The following PUM3 variants were observed in gnomAD, a reference collection of about 807,000 sequenced individuals.
PUM3 encodes the protein pumilio homolog 3.
In PUM3, 91 loss-of-function variants were observed where a neutral mutation model predicts 84.0. The ratio of observed to expected loss-of-function variants is 1.08; its 90% CI spans 0.91 to 1.29. The LOEUF (loss-of-function observed/expected upper bound fraction) is 1.29, where lower values mean the gene tolerates loss of function less well. Among genes scored for constraint, PUM3 ranks in the 50% most tolerant of loss-of-function variants. The pLI, the probability that PUM3 is intolerant of heterozygous loss-of-function variation, is 0.00. For missense variants in PUM3, 1,067 were observed against 767.5 expected (o/e 1.39, Z -4.61); for synonymous variants, 321 against 266.7 (o/e 1.20, Z -1.98).
At chr9:2,811,248 T>G (rs1821362531) in intron 15 of PUM3, 113 bp downstream of exon 15, 1 of 786,848 alleles carries the variant, frequency 1.3e-6, no homozygotes, top group Non-Finnish European at 2.1e-6. Flanking sequence ...TCTTGGTTGT[T>G]TATTCAACAG....
rs757550173 is a variant in PUM3 at position 2,824,730 on chromosome 9, T to C, written c.1121A>G (p.His374Arg). 3 of 1,553,728 alleles carry C rather than the reference T, an allele frequency of 1.9e-6. No individual in the cohort carries two copies. The highest frequency in any genetic ancestry group is 2.3e-5 in the East Asian group (1 of 43,144). Residue 374 changes from histidine (H) to arginine (R), a missense_variant, in exon 11 of 18, where the codon CAT (histidine) becomes CGT (arginine). His to Arg is a conservative substitution (Grantham distance 29). Coordinates refer to ENST00000397885, the MANE Select transcript of PUM3 (RefSeq NM_014878.5). The stretch of plus-strand genomic sequence containing the variant: ...TGTCACACTTACCTTGGGCGTGCCA[T>C]GCCACAGGCAGTGCATGGCCACTCT... Reference protein sequence around the residue: ...GARVAMHCLWHGTPKDRKVIV... With the variant: ...GARVAMHCLWRGTPKDRKVIV...
chr9:2,814,949 C>G (rs965035397), intron 13 of PUM3, among the ~76,000 whole-genome samples: 1 of 152,144 alleles, frequency 6.6e-6, no homozygotes, highest in Admixed American at 6.5e-5. Flanking sequence ...TGAGCTTTCT[C>G]CACAGCTTCC....
intron 17 of PUM3, among the ~76,000 whole-genome samples, chr9:2,805,063 A>G (rs1175294912): frequency 2.6e-5 from 4 of 152,186 alleles, no homozygotes; most frequent in Admixed American, 2.6e-4. Flanking sequence ...TGTACAACCA[A>G]GAGCATGCTA....
chr9:2,809,763 G>C (rs926158032), intron 16 of PUM3, among the ~76,000 whole-genome samples: 1 of 152,184 alleles, frequency 6.6e-6, no homozygotes, highest in Non-Finnish European at 1.5e-5. Flanking sequence ...TGCTAATGCT[G>C]TCCTTCTCTA....
chr9:2,820,232 T>C (rs950054936), intron 12 of PUM3, 134 bp from the exon 13 acceptor site: 4 of 519,054 alleles, frequency 7.7e-6, no homozygotes, highest in Admixed American at 3.2e-5. Context: ...ATTACCTACA[T>C]TGACAACTTG....
In PUM3 at chr9:2,811,429, G is replaced by A. The variant is rs1821368765; in HGVS notation, c.1567C>T (p.Gln523Ter). The A allele has an allele frequency of 1.9e-6, 3 of 1,614,174 alleles. No individual in the cohort carries two copies. Among genetic ancestry groups the A allele is most frequent in the Non-Finnish European group, 2.5e-6 (3 of 1,180,038 alleles). ...CTGGCGATGGCATTCATGGTAGGCT[G>A]AACGTCTCCAGTGGCAGATCCCAGA... The part of the protein sequence containing the change: ...DILGSATGDV[Q>*]PTMNAIASLA... The change falls in exon 15 of 18, where the codon CAG (glutamine) becomes TAG (stop). Residue 523 changes from glutamine (Q) to a stop codon, truncating the protein, a stop_gained. Coordinates refer to ENST00000397885, the MANE Select transcript of PUM3 (RefSeq NM_014878.5). LOFTEE classifies it high-confidence loss of function.
At chr9:2,807,038 C>G (rs571369595) in intron 17 of PUM3, among the ~76,000 whole-genome samples, 1 of 151,850 alleles carries the variant, frequency 6.6e-6, no homozygotes, top group Admixed American at 6.6e-5. Flanking sequence ...GAAACCAGGT[C>G]TCTACTAAAA....
chr9:2,829,902 C>T lies in PUM3; in HGVS notation c.724G>A (p.Val242Met), dbSNP rs558845198. 42 of 1,613,902 alleles carry T rather than the reference C, an allele frequency of 2.6e-5. No individual in the cohort carries two copies. The highest frequency in any genetic ancestry group is 8.3e-5 in the Admixed American group (5 of 60,020). Residue 242 changes from valine (V) to methionine (M), a missense_variant, in exon 8 of 18, where the codon GTG becomes ATG. Val to Met is a conservative substitution (Grantham distance 21, BLOSUM62 1). Transcript: ENST00000397885. Reference protein sequence around the residue: ...AEIIRSFKGHVRKMLRHAEAS... With the variant: ...AEIIRSFKGHMRKMLRHAEAS... Reference sequence around the variant, plus strand: ...TCCGCATGCCGCAGCATCTTCCTCACGTGGCCTTTAAAACTTCTGATTATC... The same window carrying T: ...TCCGCATGCCGCAGCATCTTCCTCATGTGGCCTTTAAAACTTCTGATTATC...
At chr9:2,824,041 G>A (rs1273687363) in intron 11 of PUM3, among the ~76,000 whole-genome samples, 1 of 151,856 alleles carries the variant, frequency 6.6e-6, no homozygotes, top group Non-Finnish European at 1.5e-5. Context: ...AGATGTGTAT[G>A]TGATAGGGTT....
Position 2,820,117 on chromosome 9 carries a change from A to G in PUM3, c.1189-19T>C. The G allele has an allele frequency of 6.4e-7, 1 of 1,563,364 alleles. No individual in the cohort carries two copies. Among genetic ancestry groups the G allele is most frequent in the Non-Finnish European group, 8.8e-7 (1 of 1,134,836 alleles). On this transcript the variant is annotated intron_variant, in intron 12 of 17. Transcript: ENST00000397885. ...ATTGGCCCTGCAAGAATTGGAAGCC[A>G]GCAAAGGTTAAAAACAAGTGCATAG...
rs370800427 is a variant in PUM3 at position 2,821,306 on chromosome 9, T to C, written c.1189-1208A>G. Reference sequence around the variant, plus strand: ...ACTAATACAAAACATTAGCTGGGCATGGTGGTGGGCGCCTGTAGTCCCAGC... The same window carrying C: ...ACTAATACAAAACATTAGCTGGGCACGGTGGTGGGCGCCTGTAGTCCCAGC... On this transcript the variant is annotated intron_variant, in intron 12 of 17. Transcript: ENST00000397885. 1.2e-4 allele frequency among the ~76,000 whole-genome samples: 18 copies of C among 151,582 alleles called. 1 individual carries two copies. The highest frequency in any genetic ancestry group is 4.4e-4 in the African/African-American group (18 of 41,180).
At chr9:2,810,003 C>G (rs1311114267) in intron 16 of PUM3, among the ~76,000 whole-genome samples, 1 of 151,638 alleles carries the variant, frequency 6.6e-6, no homozygotes, top group African/African-American at 2.4e-5. Flanking sequence ...CCCCTACCCC[C>G]TCTCACCATC....
intron 5 of PUM3, 139 bp downstream of exon 5, chr9:2,833,218 G>A: frequency 2.1e-6 from 1 of 482,752 alleles, no homozygotes; most frequent in South Asian, 4.0e-5. Flanking sequence ...GTAGTTCAGT[G>A]TTATGGAAGA....
intron 4 of PUM3, 60 bp from the exon 5 acceptor site, chr9:2,833,492 A>G: frequency 1.0e-6 from 1 of 962,962 alleles, no homozygotes; most frequent in East Asian, 2.6e-5. Flanking sequence ...TAAACACACA[A>G]AATTAAAAAC....
chr9:2,813,911 C>T (rs538344410), intron 13 of PUM3, among the ~76,000 whole-genome samples: 1 of 152,304 alleles, frequency 6.6e-6, no homozygotes, highest in Middle Eastern at 3.4e-3. Context: ...CACTGATCAT[C>T]TAACGTAATC....
intron 4 of PUM3, among the ~76,000 whole-genome samples, 178 bp from the exon 5 acceptor site, chr9:2,833,610 C>A (rs1225410222): frequency 6.6e-6 from 1 of 152,098 alleles, no homozygotes. Context: ...GTAATTTTCT[C>A]AAAGGCAGAA....
chr9:2,814,354 G>T (rs998934403), intron 13 of PUM3, among the ~76,000 whole-genome samples: 6 of 151,996 alleles, frequency 3.9e-5, no homozygotes, highest in African/African-American at 1.5e-4. Context: ...TGGGACTATA[G>T]GCTGCACTAT....
At chr9:2,820,387 C>T (rs1207852761) in intron 12 of PUM3, among the ~76,000 whole-genome samples, 1 of 151,892 alleles carries the variant, frequency 6.6e-6, no homozygotes, top group Non-Finnish European at 1.5e-5. Flanking sequence ...TACCTATTTA[C>T]ATAGGTTACT....
chr9:2,806,258 A>G (rs564698518), intron 17 of PUM3, among the ~76,000 whole-genome samples: 2 of 152,342 alleles, frequency 1.3e-5, no homozygotes, highest in African/African-American at 2.4e-5. Context: ...TTGTAATGAA[A>G]AAGTTCATGT....
Sources: allele counts gnomAD v4.1 joint callset (sites outside exome capture counted in the v4.1 genomes callset), GRCh38; gene constraint gnomAD v4.1.1; transcripts MANE v1.5; gene names NCBI Gene and HGNC (gene_info 2026-07-23, HGNC 2026-07-21).